The following TENT2 variants were observed in gnomAD, a reference collection of about 807,000 sequenced individuals.
TENT2 encodes terminal nucleotidyltransferase 2.
In TENT2, 44 loss-of-function variants were observed where a neutral mutation model predicts 72.2. The ratio of observed to expected loss-of-function variants is 0.61; its 90% confidence interval spans 0.48 to 0.78. TENT2 has a LOEUF of 0.78. Ranked by LOEUF, TENT2 falls within the 30% of genes least tolerant of loss-of-function variation. The probability of loss-of-function intolerance (pLI) is 0.00; values close to 1 mark genes in which losing one functional copy is unlikely to be tolerated. For synonymous variants in TENT2, 212 were observed against 192.5 expected (o/e 1.10, Z -0.84); for missense variants, 541 against 569.6 (o/e 0.95, Z 0.51).
intron 6 of TENT2, among the ~76,000 whole-genome samples, chr5:79,642,282 C>A (rs1045368516): frequency 2.6e-5 from 4 of 151,868 alleles, no homozygotes; most frequent in African/African-American, 2.4e-5. Context: ...GCTTTGAAAT[C>A]ATATAAAGAG....
chr5:79,664,608 A>C (rs937197719), intron 11 of TENT2, among the ~76,000 whole-genome samples: 1 of 151,854 alleles, frequency 6.6e-6, no homozygotes, highest in Non-Finnish European at 1.5e-5. Context: ...AAAAAAAAAA[A>C]AAGAGGTTAA....
Position 79,662,458 on chromosome 5 carries a change from T to C in TENT2, c.1071+5457T>C, listed in dbSNP as rs148431674. ...GTGGAATCACTATCTGTGGCAGTTATAGCCTTGTGAAATGTATGTCTTAAA... is the reference window on the plus strand; with the variant it reads ...GTGGAATCACTATCTGTGGCAGTTACAGCCTTGTGAAATGTATGTCTTAAA... On this transcript the variant is annotated intron_variant, in intron 11 of 14. Transcript: ENST00000453514. Among the ~76,000 whole-genome samples, 887 of 152,342 alleles carry C rather than the reference T, an allele frequency of 5.8e-3. 2 individuals are homozygous for C. The highest frequency in any genetic ancestry group is 0.015 in the South Asian group (70 of 4,824).
At chr5:79,664,552 G>A (rs1368009382) in intron 11 of TENT2, among the ~76,000 whole-genome samples, 6 of 149,212 alleles carry the variant, frequency 4.0e-5, no homozygotes, top group African/African-American at 1.2e-4. Context: ...CTGAGATCAC[G>A]TCACTGCACT....
intron 12 of TENT2, among the ~76,000 whole-genome samples, chr5:79,672,519 AT>A (rs1278715629): frequency 2.6e-5 from 4 of 152,034 alleles, no homozygotes; most frequent in South Asian, 4.2e-4. Context: ...CATGAGTTCA[AT>A]TGTTTTAATT....
intron 4 of TENT2, among the ~76,000 whole-genome samples, chr5:79,626,054 C>T (rs1486975666): frequency 6.6e-6 from 1 of 151,678 alleles, no homozygotes; most frequent in African/African-American, 2.4e-5. Flanking sequence ...GTCTTGAACT[C>T]CTGACCTCGT....
At position 79,619,742 on chromosome 5, in the gene TENT2, C is replaced by T. The variant is rs750392643; in HGVS notation, c.94C>T (p.His32Tyr). Residue 32 changes from histidine (H) to tyrosine (Y), a missense_variant, in exon 2 of 15, where the codon CAC (histidine) becomes TAC (tyrosine). Transcript: ENST00000453514. Reference sequence around the variant, plus strand: ...TACCCTGTCACCTACTGTTTATTCACACCAGCAGCTTATAGATGCACAATT... The same window carrying T: ...TACCCTGTCACCTACTGTTTATTCATACCAGCAGCTTATAGATGCACAATT... ...FFTLSPTVYS[H>Y]QQLIDAQFNF... is the part of the protein sequence containing the mutation. 1.9e-6 allele frequency: 3 copies of T among 1,613,828 alleles called. No homozygotes were observed. Among genetic ancestry groups the T allele is most frequent in the Non-Finnish European group, 2.5e-6 (3 of 1,179,818 alleles).
At chr5:79,656,872 T>G in intron 10 of TENT2, 86 bp from the exon 11 acceptor site, 1 of 937,886 alleles carries the variant, frequency 1.1e-6, no homozygotes, top group Admixed American at 2.1e-5. Context: ...CCTTATGGTC[T>G]TATACCTGGG....
chr5:79,644,293 T>C (rs1786983097), intron 7 of TENT2, among the ~76,000 whole-genome samples: 1 of 152,198 alleles, frequency 6.6e-6, no homozygotes, highest in African/African-American at 2.4e-5. Flanking sequence ...ATATATATTC[T>C]GTAATTTTGA....
chr5:79,660,207 C>T (rs1801707032), intron 11 of TENT2, among the ~76,000 whole-genome samples: 2 of 151,744 alleles, frequency 1.3e-5, no homozygotes, highest in South Asian at 4.1e-4. Context: ...ACATCATTGT[C>T]TCTAAAAACT....
intron 12 of TENT2, among the ~76,000 whole-genome samples, chr5:79,672,782 T>C (rs1387831143): frequency 6.6e-6 from 1 of 152,224 alleles, no homozygotes; most frequent in East Asian, 1.9e-4. Context: ...AGTGCAGATA[T>C]GTCTTCAGTA....
intron 10 of TENT2, 124 bp downstream of exon 10, chr5:79,649,314 A>G (rs1791701122): frequency 1.2e-6 from 1 of 860,840 alleles, no homozygotes; most frequent in East Asian, 2.7e-5. Context: ...TCCATGAAAC[A>G]CATTTCCTGT....
chr5:79,638,353 A>G (rs905152216), intron 4 of TENT2, among the ~76,000 whole-genome samples: 2 of 151,780 alleles, frequency 1.3e-5, no homozygotes, highest in East Asian at 1.9e-4. Context: ...TTTCATATTC[A>G]TATGTCCACT....
At chr5:79,621,118 T>A (rs1030194619) in intron 3 of TENT2, among the ~76,000 whole-genome samples, 9 of 149,052 alleles carry the variant, frequency 6.0e-5, no homozygotes, top group African/African-American at 2.3e-4. Context: ...AAAAAAAAAA[T>A]AACACTAGCT....
At chr5:79,682,883 T>C (rs1417909651) in intron 14 of TENT2, among the ~76,000 whole-genome samples, 1 of 152,144 alleles carries the variant, frequency 6.6e-6, no homozygotes, top group African/African-American at 2.4e-5. Context: ...TCACAACACA[T>C]TGTAGAAATG....
At chr5:79,628,147 G>C (rs1478270945) in intron 4 of TENT2, among the ~76,000 whole-genome samples, 1 of 152,200 alleles carries the variant, frequency 6.6e-6, no homozygotes, top group East Asian at 1.9e-4. Context: ...GGTAATCTGT[G>C]ACAGTGGTAG....
intron 11 of TENT2, among the ~76,000 whole-genome samples, chr5:79,665,779 T>C (rs942978222): frequency 4.6e-5 from 7 of 152,158 alleles, no homozygotes; most frequent in Non-Finnish European, 1.0e-4. Context: ...GTGGATGTTA[T>C]CAGTTTAATT....
intron 4 of TENT2, among the ~76,000 whole-genome samples, chr5:79,637,713 A>G (rs1319950236): frequency 6.6e-6 from 1 of 150,512 alleles, no homozygotes; most frequent in Admixed American, 6.6e-5. Flanking sequence ...TGGTGTGCTC[A>G]GCTACCATGC....
intron 4 of TENT2, among the ~76,000 whole-genome samples, chr5:79,638,453 T>G (rs1181685299): frequency 6.6e-6 from 1 of 152,214 alleles, no homozygotes; most frequent in Non-Finnish European, 1.5e-5. Context: ...TTTCTGCTGT[T>G]GCTTTTTCTT....
intron 1 of TENT2, chr5:79,613,974 T>C (rs952336544): frequency 6.6e-6 from 1 of 152,106 alleles, no homozygotes; most frequent in Non-Finnish European, 1.5e-5. Flanking sequence ...GAAGGAATTA[T>C]ATATAACCTT....
Sources: allele counts gnomAD v4.1 joint callset (sites outside exome capture counted in the v4.1 genomes callset), GRCh38; gene constraint gnomAD v4.1.1; transcripts MANE v1.5; gene names NCBI Gene and HGNC (gene_info 2026-07-23, HGNC 2026-07-21).